Variants in MAN1A1 observed in about 807,000 individuals in gnomAD.
The protein encoded by MAN1A1 is mannosidase alpha class 1A member 1, also known as mannosyl-oligosaccharide 1,2-alpha-mannosidase IA.
In MAN1A1, 29 loss-of-function variants were observed where a neutral mutation model predicts 70.8. The observed-to-expected ratio is 0.41, with a 90% confidence interval of 0.31 to 0.56. The LOEUF is 0.56. Ranked by LOEUF, MAN1A1 falls within the 20% of genes least tolerant of loss-of-function variation. MAN1A1 has a pLI of 0.29. For missense variants in MAN1A1, 747 were observed against 841.3 expected (o/e 0.89, Z 1.39); for synonymous variants, 349 against 330.1 (o/e 1.06, Z -0.62).
intron 4 of MAN1A1, among the ~76,000 whole-genome samples, chr6:119,298,132 T>A (rs1349471166): frequency 6.6e-6 from 1 of 152,162 alleles, no homozygotes; most frequent in Non-Finnish European, 1.5e-5. Context: ...CAGTTTTAGA[T>A]CCTTTGTCCT....
intron 8 of MAN1A1, among the ~76,000 whole-genome samples, chr6:119,195,793 A>T (rs941626814): frequency 6.6e-6 from 1 of 152,014 alleles, no homozygotes; most frequent in African/African-American, 2.4e-5. Context: ...TAAGTATGTG[A>T]TTTTCTTTTT....
At chr6:119,312,049 A>G (rs1772722922) in intron 2 of MAN1A1, among the ~76,000 whole-genome samples, 1 of 152,168 alleles carries the variant, frequency 6.6e-6, no homozygotes, top group African/African-American at 2.4e-5. Context: ...GCTCACTTAT[A>G]TAACAGTCCG....
intron 5 of MAN1A1, among the ~76,000 whole-genome samples, chr6:119,255,452 A>T (rs1775432605): frequency 6.6e-6 from 1 of 152,220 alleles, no homozygotes; most frequent in Non-Finnish European, 1.5e-5. Context: ...ACTTGCACAT[A>T]ATATGGGCCA....
intron 5 of MAN1A1, among the ~76,000 whole-genome samples, chr6:119,268,254 C>T (rs1329957705): frequency 6.6e-6 from 1 of 152,164 alleles, no homozygotes; most frequent in Non-Finnish European, 1.5e-5. Flanking sequence ...AAGATAAATG[C>T]CTGATTCTTT....
At chr6:119,312,143 T>C (rs1430268313) in intron 2 of MAN1A1, among the ~76,000 whole-genome samples, 2 of 152,136 alleles carry the variant, frequency 1.3e-5, no homozygotes, top group Non-Finnish European at 2.9e-5. Context: ...GGGCTGTGTC[T>C]GATTCAGGCA....
chr6:119,339,041 T>G (rs940241147), intron 2 of MAN1A1, among the ~76,000 whole-genome samples: 4 of 152,168 alleles, frequency 2.6e-5, no homozygotes, highest in African/African-American at 9.7e-5. Flanking sequence ...CCTTGTTCTA[T>G]CTATACAACT....
rs189239230 is a variant in MAN1A1, at chr6:119,260,899, A to G, written c.898-12545T>C. On this transcript the variant is annotated intron_variant, in intron 5 of 12. Coordinates refer to ENST00000368468, the MANE Select transcript of MAN1A1 (RefSeq NM_005907.4). Reference sequence around the variant, plus strand: ...AAATGCCTCTTTAGAATACAAACACAAATAATAACAAGAAACATAATTTAT... The same window carrying G: ...AAATGCCTCTTTAGAATACAAACACGAATAATAACAAGAAACATAATTTAT... Among the ~76,000 whole-genome samples the G allele has an allele frequency of 1.7e-4, 26 of 152,232 alleles. No homozygotes were observed. The East Asian group carries it at 4.8e-3, about 28-fold the overall frequency.
intron 5 of MAN1A1, among the ~76,000 whole-genome samples, chr6:119,268,967 A>G (rs1183675295): frequency 6.6e-6 from 1 of 152,140 alleles, no homozygotes; most frequent in Non-Finnish European, 1.5e-5. Context: ...TTAAAGTAAC[A>G]ATATAGAAAG....
At chr6:119,208,963 T>C (rs1021975374) in intron 6 of MAN1A1, among the ~76,000 whole-genome samples, 5 of 151,670 alleles carry the variant, frequency 3.3e-5, no homozygotes, top group African/African-American at 1.2e-4. Context: ...GGCATGGTGG[T>C]GTGCACCTGT....
chr6:119,350,504 C>T (rs1773884471), upstream of MAN1A1: 1 of 985,094 alleles, frequency 1.0e-6, no homozygotes, highest in African/African-American at 1.7e-5. Context: ...TCCCGCCCAC[C>T]CGTACTTTCA....
intron 4 of MAN1A1, among the ~76,000 whole-genome samples, chr6:119,300,878 T>C (rs1227651287): frequency 3.3e-5 from 5 of 152,216 alleles, no homozygotes; most frequent in Non-Finnish European, 5.9e-5. Context: ...TATATAGCAA[T>C]TAATTAGGGG....
intron 5 of MAN1A1, among the ~76,000 whole-genome samples, chr6:119,284,475 C>G (rs1776307345): frequency 6.6e-6 from 1 of 152,160 alleles, no homozygotes; most frequent in African/African-American, 2.4e-5. Flanking sequence ...AATAAGGACG[C>G]TGTTGAGAAG....
intron 8 of MAN1A1, among the ~76,000 whole-genome samples, chr6:119,200,675 A>C (rs1773691287): frequency 6.6e-6 from 1 of 152,184 alleles, no homozygotes; most frequent in African/African-American, 2.4e-5. Flanking sequence ...TCGTCTGAAG[A>C]GTCTTAAGTG....
rs74686959 is a variant in MAN1A1 at position 119,311,856 on chromosome 6, T to C, written c.604-4864A>G. Among the ~76,000 whole-genome samples the C allele has an allele frequency of 5.9e-3, 897 of 152,216 alleles. 30 individuals are homozygous for C. In the East Asian group the frequency reaches 0.09, roughly 15 times the overall value. On this transcript the variant is annotated intron_variant, in intron 2 of 12. Coordinates refer to ENST00000368468, the MANE Select transcript of MAN1A1 (RefSeq NM_005907.4). ...TATCTTATCAATGGCCAACAGATGC[T>C]AGGTAAGGTTTCACAGAACGTGTAA... is the stretch of plus-strand genomic sequence containing the variant.
chr6:119,183,318 G>A (rs1000030516), intron 11 of MAN1A1, among the ~76,000 whole-genome samples: 7 of 152,106 alleles, frequency 4.6e-5, no homozygotes, highest in Admixed American at 2.0e-4. Flanking sequence ...CAGATGCTTC[G>A]ATTAAATTCT....
chr6:119,260,671 A>G (rs1775583186), intron 5 of MAN1A1, among the ~76,000 whole-genome samples: 1 of 152,076 alleles, frequency 6.6e-6, no homozygotes, highest in Admixed American at 6.5e-5. Context: ...GCTTTAACAT[A>G]TTTTCATATA....
intron 11 of MAN1A1, among the ~76,000 whole-genome samples, chr6:119,184,135 T>C (rs1773225407): frequency 6.6e-6 from 1 of 152,166 alleles, no homozygotes; most frequent in Non-Finnish European, 1.5e-5. Context: ...ACAACAGCCC[T>C]GATTCTATCA....
chr6:119,215,118 G>A (rs571456028), intron 6 of MAN1A1, among the ~76,000 whole-genome samples: 30 of 151,764 alleles, frequency 2.0e-4, no homozygotes, highest in African/African-American at 7.3e-4. Flanking sequence ...GTTAATGGGT[G>A]CAGCACACCA....
In MAN1A1 at chr6:119,348,838, G is replaced by A; in HGVS notation, c.228C>T (p.Ser76=). ...CGGCGGCCGGCTGCAAGGCGGGGCTGGAGTGGAACAGGACCCCGCTGAGCA... is the reference window on the plus strand; with the variant it reads ...CGGCGGCCGGCTGCAAGGCGGGGCTAGAGTGGAACAGGACCCCGCTGAGCA... ...SKLLSGVLFH[S]SPALQPAADH... is the part of the protein sequence containing the mutation. Residue 76 remains serine, a synonymous_variant, in exon 2 of 13, where the codon TCC becomes TCT. Coordinates refer to ENST00000368468, the MANE Select transcript of MAN1A1 (RefSeq NM_005907.4). 6.7e-7 allele frequency: 1 copy of A among 1,497,984 alleles called. No homozygotes were observed. The highest frequency in any genetic ancestry group is 1.4e-5 in the African/African-American group (1 of 69,826). 92.8% of individuals were successfully genotyped at this position (1,497,984 alleles called of 1,614,324 possible). A position where few individuals can be genotyped will look rare whatever the true frequency, so the allele number is the denominator to read the frequency against.
Sources: allele counts gnomAD v4.1 joint callset (sites outside exome capture counted in the v4.1 genomes callset), GRCh38; gene constraint gnomAD v4.1.1; transcripts MANE v1.5; gene names NCBI Gene and HGNC (gene_info 2026-07-23, HGNC 2026-07-21).